The following JCAD variants were observed in gnomAD, a reference collection of about 807,000 sequenced individuals.
JCAD encodes the protein junctional cadherin 5-associated protein.
A neutral mutation model predicts 98.0 loss-of-function variants in JCAD; 40 were observed. That is an observed-to-expected ratio of 0.41 (90% confidence interval 0.32 to 0.53). The LOEUF is 0.53. Among genes scored for constraint, JCAD ranks in the 20% least tolerant of loss-of-function variants. The pLI is 0.31. For synonymous variants in JCAD, 691 were observed against 682.3 expected (o/e 1.01, Z -0.20); for missense variants, 1,705 against 1,738.1 (o/e 0.98, Z 0.34).
In JCAD at chr10:30,026,816, G is replaced by A. The variant is rs1836819229; in HGVS notation, c.3332C>T (p.Pro1111Leu). ...PGIRRAGQNQ[P>L]AEPDASACTP... ...GCAGGCACTTGCATCGGGCTCAGCA[G>A]GCTGGTTCTGTCCCGCTCTCCGGAT... The change falls in exon 3 of 4, where the codon CCT (proline) becomes CTT (leucine). Residue 1111 changes from proline (P) to leucine (L), a missense_variant. Coordinates refer to ENST00000375377, the MANE Select transcript of JCAD (RefSeq NM_020848.4). 6.2e-7 allele frequency: 1 copy of A among 1,613,956 alleles called. No homozygotes were observed. Among genetic ancestry groups the A allele is most frequent in the African/African-American group, 1.3e-5 (1 of 74,956 alleles).
chr10:30,031,510 C>T (rs1349135049), intron 2 of JCAD, among the ~76,000 whole-genome samples: 2 of 145,126 alleles, frequency 1.4e-5, no homozygotes, highest in South Asian at 2.2e-4. Context: ...GGCACAATCT[C>T]GGCTCATTGC....
intron 1 of JCAD, among the ~76,000 whole-genome samples, chr10:30,076,116 T>A (rs1433406284): frequency 6.6e-6 from 1 of 151,970 alleles, no homozygotes; most frequent in Non-Finnish European, 1.5e-5. Context: ...CTCCACCTCC[T>A]GGGTTCAAGC....
At chr10:30,074,776 C>T (rs1337759393) in intron 1 of JCAD, among the ~76,000 whole-genome samples, 1 of 152,050 alleles carries the variant, frequency 6.6e-6, no homozygotes, top group East Asian at 1.9e-4. Flanking sequence ...TTCCATCCCC[C>T]ATATTATACT....
chr10:30,112,035 C>A (rs1838711021), intron 1 of JCAD, among the ~76,000 whole-genome samples: 1 of 152,168 alleles, frequency 6.6e-6, no homozygotes, highest in Admixed American at 6.5e-5. Flanking sequence ...GCACTATTCA[C>A]AATGACTGAA....
intron 1 of JCAD, among the ~76,000 whole-genome samples, chr10:30,089,165 G>A (rs1838215848): frequency 1.3e-5 from 2 of 152,040 alleles, no homozygotes; most frequent in East Asian, 3.9e-4. Flanking sequence ...GCTGTACCAT[G>A]TCCTTGGTAA....
intron 1 of JCAD, among the ~76,000 whole-genome samples, chr10:30,114,856 T>TAGATA (rs71023546): frequency 1.4e-5 from 2 of 139,960 alleles, no homozygotes; most frequent in African/African-American, 5.7e-5. Flanking sequence ...GATAGATAGA[T>TAGATA]GATAGATACA....
chr10:30,101,395 C>A (rs527930673), intron 1 of JCAD, among the ~76,000 whole-genome samples: 5 of 152,024 alleles, frequency 3.3e-5, no homozygotes, highest in African/African-American at 9.7e-5. Context: ...GGTGACAGAG[C>A]GAGACTCAGT....
At chr10:30,049,449 A>T (rs978848076) in intron 1 of JCAD, among the ~76,000 whole-genome samples, 1 of 152,136 alleles carries the variant, frequency 6.6e-6, no homozygotes, top group South Asian at 2.1e-4. Context: ...CTCACTCTTC[A>T]TCACCTGCTA....
At chr10:30,095,563 G>A (rs992686259) in intron 1 of JCAD, among the ~76,000 whole-genome samples, 2 of 152,216 alleles carry the variant, frequency 1.3e-5, no homozygotes, top group East Asian at 3.8e-4. Flanking sequence ...CTGGAATTGT[G>A]CATTTTGTTC....
In JCAD at chr10:30,028,375, T is replaced by C. The variant is rs1564444045; in HGVS notation, c.1773A>G (p.Ser591=). ...CLVSIPVKSE[S]HLPDRDMDNN... is the part of the protein sequence containing the mutation. ...TGTCCATATCTCTATCTGGCAGATG[T>C]GATTCTGATTTCACTGGGATAGAAA... The change falls in exon 3 of 4, where the codon TCA becomes TCG. Residue 591 remains serine (S), a synonymous_variant. Transcript: ENST00000375377. 1 of 1,614,114 alleles carries C rather than the reference T, an allele frequency of 6.2e-7. No homozygotes were observed.
intron 1 of JCAD, among the ~76,000 whole-genome samples, chr10:30,079,105 A>C (rs936944503): frequency 6.6e-6 from 1 of 152,148 alleles, no homozygotes; most frequent in African/African-American, 2.4e-5. Context: ...GTAAGTCAAG[A>C]ATAGTAATCA....
At chr10:30,111,609 T>G (rs1431875761) in intron 1 of JCAD, among the ~76,000 whole-genome samples, 1 of 152,128 alleles carries the variant, frequency 6.6e-6, no homozygotes, top group African/African-American at 2.4e-5. Flanking sequence ...TGATGTGACA[T>G]GACATGATAA....
chr10:30,044,693 T>TA (rs1554797553), intron 2 of JCAD: 71 of 332,834 alleles, frequency 2.1e-4, no homozygotes, highest in African/African-American at 1.4e-3. Flanking sequence ...TTTTTTTTTT[T>TA]AAATTTAAGC....
At chr10:30,070,769 G>C (rs1239489346) in intron 1 of JCAD, among the ~76,000 whole-genome samples, 2 of 152,204 alleles carry the variant, frequency 1.3e-5, no homozygotes, top group Admixed American at 1.3e-4. Context: ...TTTAAAAGCA[G>C]TACTACCTTA....
At position 30,017,753 on chromosome 10, in the gene JCAD, ATG is replaced by A; in HGVS notation, c.*128_*129del. On this transcript the variant is annotated 3_prime_UTR_variant, in exon 4 of 4. Coordinates refer to ENST00000375377, the MANE Select transcript of JCAD (RefSeq NM_020848.4). ...AGTTTCCTAGTGGCAGTGGTAAAGA[ATG>A]TTATCAGGATGCTAAAAACTCAGCA... 1.2e-6 allele frequency: 1 copy of A among 800,876 alleles called. No individual in the cohort carries two copies. Among genetic ancestry groups the A allele is most frequent in the Non-Finnish European group, 2.1e-6 (1 of 468,130 alleles). The allele number at this position is 800,876 out of a possible 1,614,324, so 49.6% of individuals were successfully genotyped here. A position where few individuals can be genotyped will look rare whatever the true frequency, so the allele number is the denominator to read the frequency against.
chr10:30,076,890 C>A (rs117631066), intron 1 of JCAD, among the ~76,000 whole-genome samples: 4 of 152,072 alleles, frequency 2.6e-5, no homozygotes, highest in Admixed American at 6.5e-5. Context: ...AGGGCCGAAT[C>A]GCTCAGGCCC....
Position 30,015,914 on chromosome 10 carries a change from A to G in JCAD, c.*1969T>C, listed in dbSNP as rs574779772. 2 of 152,314 alleles carry G rather than the reference A, an allele frequency of 1.3e-5. No individual in the cohort carries two copies. The highest frequency in any genetic ancestry group is 1.9e-4 in the East Asian group (1 of 5,186). The allele number at this position is 152,314 out of a possible 1,614,324, so 9.4% of individuals were successfully genotyped here. On this transcript the variant is annotated 3_prime_UTR_variant, in exon 4 of 4. Transcript: ENST00000375377. ...TATTTGGTACTACCAGGTGACTTCA[A>G]TGATTCACCAGCTACAACAGTGTCT...
intron 1 of JCAD, among the ~76,000 whole-genome samples, chr10:30,087,819 A>T (rs1294306113): frequency 6.6e-6 from 1 of 152,226 alleles, no homozygotes; most frequent in African/African-American, 2.4e-5. Flanking sequence ...ATGGTATCTG[A>T]AACCTTATTG....
At chr10:30,074,094 G>A (rs1418792173) in intron 1 of JCAD, among the ~76,000 whole-genome samples, 5 of 152,070 alleles carry the variant, frequency 3.3e-5, no homozygotes, top group Non-Finnish European at 7.4e-5. Flanking sequence ...TCTTGGTGTT[G>A]GAAATCTTGG....
Sources: allele counts gnomAD v4.1 joint callset (sites outside exome capture counted in the v4.1 genomes callset), GRCh38; gene constraint gnomAD v4.1.1; transcripts MANE v1.5; gene names NCBI Gene and HGNC (gene_info 2026-07-23, HGNC 2026-07-21).